The following C1QTNF3 variants were observed in gnomAD, a reference collection of about 807,000 sequenced individuals.
The protein encoded by C1QTNF3 is complement C1q tumor necrosis factor-related protein 3.
Under a neutral mutation model 32.6 loss-of-function variants are expected in C1QTNF3, and 26 were observed. The observed-to-expected ratio is 0.80, with a 90% confidence interval of 0.58 to 1.11. The LOEUF is 1.11. Ranked by LOEUF, C1QTNF3 falls within the 50% of genes least tolerant of loss-of-function variation. C1QTNF3 has a pLI of 0.00. For missense variants in C1QTNF3, 362 were observed against 398.2 expected (o/e 0.91, Z 0.77); for synonymous variants, 155 against 146.0 (o/e 1.06, Z -0.44).
the C1QTNF3 span, among the ~76,000 whole-genome samples, chr5:34,067,869 T>C: frequency 6.6e-6 from 1 of 152,220 alleles, no homozygotes; most frequent in Non-Finnish European, 1.5e-5. Context: ...ATGTTCATAA[T>C]AATAATATTT....
the C1QTNF3 span, among the ~76,000 whole-genome samples, chr5:34,123,369 C>T: frequency 6.6e-6 from 1 of 152,016 alleles, no homozygotes; most frequent in African/African-American, 2.4e-5. Context: ...TCCATATCTA[C>T]ATCTACATAA....
chr5:34,106,298 C>T, the C1QTNF3 span: 3 of 151,576 alleles, frequency 2.0e-5, no homozygotes, highest in African/African-American at 7.3e-5. Context: ...TTATATTTTA[C>T]TTAATTTTCC....
the C1QTNF3 span, among the ~76,000 whole-genome samples, chr5:34,174,685 T>C: frequency 6.6e-6 from 1 of 152,206 alleles, no homozygotes; most frequent in Non-Finnish European, 1.5e-5. Context: ...GAAACATTCA[T>C]TGCTAACTTG....
At chr5:34,178,104 T>TA in the C1QTNF3 span, among the ~76,000 whole-genome samples, 245 of 76,496 alleles carry the variant, frequency 3.2e-3, no homozygotes, top group South Asian at 0.014. Flanking sequence ...TCATCTCTAC[T>TA]AAAAAAAAAA....
intron 1 of C1QTNF3, among the ~76,000 whole-genome samples, chr5:34,042,095 T>C (rs1754884686): frequency 6.6e-6 from 1 of 151,548 alleles, no homozygotes; most frequent in South Asian, 2.1e-4. Context: ...TGCAATTCAC[T>C]ATACTGAAAT....
chr5:34,127,587 CCT>C, the C1QTNF3 span, among the ~76,000 whole-genome samples: 23 of 148,142 alleles, frequency 1.6e-4, no homozygotes, highest in South Asian at 4.7e-3. Flanking sequence ...TTTTTCTTTT[CCT>C]TTTTTTTTTT....
the C1QTNF3 span, among the ~76,000 whole-genome samples, chr5:34,088,059 A>G: frequency 6.6e-6 from 1 of 152,294 alleles, no homozygotes. Context: ...AATTATGATG[A>G]TAACTGTTGC....
intron 2 of C1QTNF3, among the ~76,000 whole-genome samples, chr5:34,033,917 T>C (rs902105435): frequency 5.9e-5 from 9 of 152,218 alleles, no homozygotes; most frequent in African/African-American, 1.9e-4. Context: ...ATCTCAACAC[T>C]TTGCGAAGCC....
the C1QTNF3 span, among the ~76,000 whole-genome samples, chr5:34,213,661 T>C: frequency 6.8e-6 from 1 of 147,346 alleles, no homozygotes; most frequent in Non-Finnish European, 1.5e-5. Context: ...CCTATTAATA[T>C]AGATATAGCC....
the C1QTNF3 span, among the ~76,000 whole-genome samples, chr5:34,244,254 T>G: frequency 6.6e-6 from 1 of 152,208 alleles, no homozygotes; most frequent in Non-Finnish European, 1.5e-5. Flanking sequence ...AATGTCTCTA[T>G]ATAGTTTTCT....
the C1QTNF3 span, among the ~76,000 whole-genome samples, chr5:34,140,232 T>C: frequency 2.0e-5 from 3 of 152,328 alleles, no homozygotes; most frequent in South Asian, 2.1e-4. Context: ...TATTCTAGGA[T>C]TGGCAGACTG....
chr5:34,099,219 T>A, the C1QTNF3 span, among the ~76,000 whole-genome samples: 1 of 152,158 alleles, frequency 6.6e-6, no homozygotes, highest in African/African-American at 2.4e-5. Context: ...TATTAACATT[T>A]AAAAATAACA....
At chr5:34,040,400 A>G (rs1321024626) in intron 1 of C1QTNF3, among the ~76,000 whole-genome samples, 3 of 152,096 alleles carry the variant, frequency 2.0e-5, no homozygotes, top group Non-Finnish European at 4.4e-5. Flanking sequence ...CCTGCCCCAA[A>G]AAAAGGGAAA....
chr5:34,078,834 C>T, the C1QTNF3 span, among the ~76,000 whole-genome samples: 1 of 151,620 alleles, frequency 6.6e-6, no homozygotes, highest in African/African-American at 2.4e-5. This position sits in a 1 kb window ranked among gnomAD's most constrained non-coding sequence, Gnocchi z 4.0. Context: ...TTCTTTATAT[C>T]GCCCATGTGC....
the C1QTNF3 span, chr5:34,167,752 A>G: frequency 1.3e-5 from 2 of 152,210 alleles, no homozygotes; most frequent in African/African-American, 4.8e-5. Flanking sequence ...GATAATAAAT[A>G]ATAGCTTCCA....
chr5:34,132,156 G>A, the C1QTNF3 span, among the ~76,000 whole-genome samples: 1 of 152,088 alleles, frequency 6.6e-6, no homozygotes, highest in Non-Finnish European at 1.5e-5. Context: ...GGAGGCTGAG[G>A]TGGGTGGATC....
At chr5:34,163,853 A>G in the C1QTNF3 span, among the ~76,000 whole-genome samples, 1 of 152,180 alleles carries the variant, frequency 6.6e-6, no homozygotes, top group African/African-American at 2.4e-5. Flanking sequence ...TATCTTGCCT[A>G]TCCAAACAAC....
the C1QTNF3 span, chr5:34,158,298 G>C: frequency 6.6e-6 from 1 of 151,922 alleles, no homozygotes; most frequent in African/African-American, 2.4e-5. Context: ...GTAGAGTCGG[G>C]GTTTCACCAT....
intron 1 of C1QTNF3, among the ~76,000 whole-genome samples, chr5:34,038,835 G>T (rs72743391): frequency 0.25 from 37,861 of 151,734 alleles, 5,165 homozygotes; most frequent in South Asian, 0.45. Context: ...TCAGACATGA[G>T]CAGGGTAGGG....
Sources: allele counts gnomAD v4.1 joint callset (sites outside exome capture counted in the v4.1 genomes callset), GRCh38; gene constraint gnomAD v4.1.1; non-coding constraint Gnocchi (gnomAD v3.1); transcripts MANE v1.5; gene names NCBI Gene and HGNC (gene_info 2026-07-23, HGNC 2026-07-21).